Variants in DGKB observed in about 807,000 individuals in gnomAD.
The protein encoded by DGKB is diacylglycerol kinase beta.
A neutral mutation model predicts 114.3 loss-of-function variants in DGKB; 67 were observed. The ratio of observed to expected loss-of-function variants is 0.59; its 90% CI spans 0.48 to 0.72. The LOEUF (loss-of-function observed/expected upper bound fraction) is 0.72, where lower values mean the gene tolerates loss of function less well. DGKB is among the 30% of genes least tolerant of loss of function. The pLI is 0.00. For missense variants in DGKB, 907 were observed against 975.2 expected (o/e 0.93, Z 0.93); for synonymous variants, 398 against 323.1 (o/e 1.23, Z -2.49).
At chr7:14,763,422 A>G (rs972661979) in intron 2 of DGKB, among the ~76,000 whole-genome samples, 6 of 152,108 alleles carry the variant, frequency 3.9e-5, no homozygotes, top group African/African-American at 1.4e-4. Flanking sequence ...CTCATTTAAA[A>G]TTCACAATAA....
Position 14,682,638 on chromosome 7 carries a change from C to G in DGKB, c.950G>C (p.Cys317Ser). 1.9e-6 allele frequency: 3 copies of G among 1,613,466 alleles called. No homozygotes were observed. The highest frequency in any genetic ancestry group is 2.5e-6 in the Non-Finnish European group (3 of 1,179,552). The change falls in exon 12 of 26, where the codon TGC (cysteine) becomes TCC (serine). Residue 317 changes from cysteine (C) to serine (S), a missense_variant. Cys to Ser is a moderately radical substitution (Grantham distance 112, BLOSUM62 -1). Around this residue, in one of 3 missense-constraint regions of DGKB, gnomAD observed 814 missense variants for 856.6 expected, o/e 0.95. Coordinates refer to ENST00000402815, the MANE Select transcript of DGKB (RefSeq NM_001350709.2). ...GTGGCACTTATCACACTTGGTTGGGCAGTTACCTTCAACCCAGTAATGGTG... is the reference window on the plus strand; with the variant it reads ...GTGGCACTTATCACACTTGGTTGGGGAGTTACCTTCAACCCAGTAATGGTG... Reference protein sequence around the residue: ...VMHHYWVEGNCPTKCDKCHKT... With the variant: ...VMHHYWVEGNSPTKCDKCHKT...
chr7:14,296,990 C>T (rs1015804724), intron 23 of DGKB, among the ~76,000 whole-genome samples: 2 of 152,004 alleles, frequency 1.3e-5, no homozygotes, highest in African/African-American at 4.8e-5. Context: ...CATACACCCT[C>T]CCAAGACTAA....
intron 13 of DGKB, among the ~76,000 whole-genome samples, chr7:14,655,287 G>A (rs976668504): frequency 7.3e-5 from 11 of 150,342 alleles, no homozygotes; most frequent in Admixed American, 6.0e-4. Flanking sequence ...TATAAAAAAT[G>A]TTCAGCATCA....
At chr7:14,629,869 G>T (rs1809363932) in intron 14 of DGKB, among the ~76,000 whole-genome samples, 1 of 151,966 alleles carries the variant, frequency 6.6e-6, no homozygotes, top group African/African-American at 2.4e-5. Flanking sequence ...ATGGCTCAAA[G>T]AATAAATTCT....
chr7:14,162,587 T>C (rs1049647940), intron 25 of DGKB, among the ~76,000 whole-genome samples: 3 of 152,196 alleles, frequency 2.0e-5, no homozygotes, highest in Non-Finnish European at 4.4e-5. Context: ...GAGATATTAC[T>C]ATCTGCTAGC....
At chr7:14,715,281 A>C (rs1289471399) in intron 6 of DGKB, among the ~76,000 whole-genome samples, 6 of 152,190 alleles carry the variant, frequency 3.9e-5, no homozygotes, top group African/African-American at 1.4e-4. Context: ...GAATAATAGC[A>C]GTTCTCGACA....
chr7:14,160,382 T>C (rs1023483755), intron 25 of DGKB, among the ~76,000 whole-genome samples: 2 of 151,978 alleles, frequency 1.3e-5, no homozygotes, highest in Admixed American at 1.3e-4. Context: ...AACCCCATTG[T>C]CTCAGCCCCA....
intron 20 of DGKB, among the ~76,000 whole-genome samples, chr7:14,542,931 A>G (rs972377911): frequency 1.3e-5 from 2 of 152,140 alleles, no homozygotes; most frequent in African/African-American, 4.8e-5. Flanking sequence ...ATTTTGAAAA[A>G]CGGAGATGGG....
At chr7:14,476,179 T>C (rs1485630557) in intron 21 of DGKB, among the ~76,000 whole-genome samples, 1 of 151,982 alleles carries the variant, frequency 6.6e-6, no homozygotes, top group African/African-American at 2.4e-5. Flanking sequence ...TAAATATGAA[T>C]GCTTCATAGA....
intron 1 of DGKB, among the ~76,000 whole-genome samples, chr7:14,894,667 G>A (rs1048874525): frequency 6.6e-6 from 1 of 151,456 alleles, no homozygotes; most frequent in African/African-American, 2.4e-5. Context: ...TAATATAGTT[G>A]CCTAAGCACC....
At chr7:14,288,609 T>C (rs2128467983) in intron 23 of DGKB, among the ~76,000 whole-genome samples, 1 of 152,244 alleles carries the variant, frequency 6.6e-6, no homozygotes, top group East Asian at 1.9e-4. Context: ...ATTTTCTTTG[T>C]TTTCCCCTTG....
intron 23 of DGKB, among the ~76,000 whole-genome samples, chr7:14,314,359 A>C (rs927987957): frequency 1.3e-5 from 2 of 151,480 alleles, no homozygotes; most frequent in Non-Finnish European, 3.0e-5. Flanking sequence ...ATTCAAACCA[A>C]AGGCAAAGAA....
chr7:14,214,102 C>G (rs760169297), intron 23 of DGKB, among the ~76,000 whole-genome samples: 1 of 152,072 alleles, frequency 6.6e-6, no homozygotes, highest in African/African-American at 2.4e-5. Flanking sequence ...TATTTCCTAA[C>G]TGGTCTCCCC....
intron 7 of DGKB, among the ~76,000 whole-genome samples, chr7:14,701,407 G>C (rs1037382147): frequency 5.3e-5 from 8 of 152,070 alleles, no homozygotes; most frequent in African/African-American, 1.9e-4. Flanking sequence ...GACAAGGCTG[G>C]TGCCTTTCTT....
intron 2 of DGKB, among the ~76,000 whole-genome samples, chr7:14,834,547 CTT>C (rs1562665043): frequency 6.6e-6 from 1 of 152,118 alleles, no homozygotes; most frequent in African/African-American, 2.4e-5. Flanking sequence ...CTCTCTCTCT[CTT>C]TCTCTCTCTG....
At chr7:14,955,999 A>G (rs2115251454) in intron 1 of DGKB, among the ~76,000 whole-genome samples, 1 of 152,108 alleles carries the variant, frequency 6.6e-6, no homozygotes, top group Non-Finnish European at 1.5e-5. Context: ...CCTGTCATGG[A>G]GTAAATATGA....
chr7:14,232,211 T>A (rs769834799), intron 23 of DGKB, among the ~76,000 whole-genome samples: 25 of 151,888 alleles, frequency 1.6e-4, no homozygotes, highest in Non-Finnish European at 2.5e-4. Flanking sequence ...ACATTCACGC[T>A]CCCTAGAATC....
intron 13 of DGKB, among the ~76,000 whole-genome samples, chr7:14,668,091 G>A (rs2128938194): frequency 6.6e-6 from 1 of 152,128 alleles, no homozygotes; most frequent in South Asian, 2.1e-4. Context: ...AATATTTTAA[G>A]AGTGAGAGGG....
At chr7:14,849,445 C>T (rs1039411267) in intron 1 of DGKB, among the ~76,000 whole-genome samples, 2 of 152,086 alleles carry the variant, frequency 1.3e-5, no homozygotes, top group Non-Finnish European at 2.9e-5. Flanking sequence ...CAAGTTCAGC[C>T]TCCTTTGCCC....
Sources: gnomAD v4.1 joint callset for allele counts (sites outside exome capture counted in the v4.1 genomes callset) on GRCh38, gnomAD v4.1.1 for gene constraint, gnomAD v4.1.1 regional missense constraint, MANE v1.5 for transcripts, NCBI Gene and HGNC (gene_info 2026-07-23, HGNC 2026-07-21) for gene names.